LPCAT1: variants seen among roughly 807,000 people sequenced by gnomAD.
LPCAT1 encodes lysophosphatidylcholine acyltransferase 1, also known as 1-acylglycerol-3-phosphate O-acyltransferase.
In LPCAT1, 23 loss-of-function variants were observed where a neutral mutation model predicts 60.9. That is an observed-to-expected ratio of 0.38 (90% CI 0.27 to 0.53). The LOEUF is 0.53. Among genes scored for constraint, LPCAT1 ranks in the 20% least tolerant of loss-of-function variants. The probability of loss-of-function intolerance (pLI) is 0.82; values close to 1 mark genes in which losing one functional copy is unlikely to be tolerated. For missense variants in LPCAT1, 622 were observed against 723.6 expected (o/e 0.86, Z 1.61); for synonymous variants, 340 against 301.1 (o/e 1.13, Z -1.34).
At chr5:1,474,710 C>G in intron 9 of LPCAT1, 25 bp from the exon 10 acceptor site, 1 of 1,605,698 alleles carries the variant, frequency 6.2e-7, no homozygotes, top group African/African-American at 1.3e-5. Flanking sequence ...GCACCCCCGT[C>G]AGCCCAGCCT....
chr5:1,474,693 G>A lies in LPCAT1; in HGVS notation c.900-8C>T, dbSNP rs780926527. On this transcript the variant is annotated splice_region_variant and splice_polypyrimidine_tract_variant and intron_variant, in intron 9 of 13. Coordinates refer to ENST00000283415, the MANE Select transcript of LPCAT1 (RefSeq NM_024830.5). ...ACGGAGACACCCAAGGCCCTACAAG[G>A]AGGGCAGCACCCCCGTCAGCCCAGC... The A allele has an allele frequency of 6.2e-7, 1 of 1,612,062 alleles. No individual in the cohort carries two copies. Among genetic ancestry groups the A allele is most frequent in the Admixed American group, 1.7e-5 (1 of 59,868 alleles).
chr5:1,511,605 T>C (rs13156199), intron 1 of LPCAT1, among the ~76,000 whole-genome samples: 1 of 151,216 alleles, frequency 6.6e-6, no homozygotes, highest in Admixed American at 6.6e-5. Flanking sequence ...CTGCTCACCT[T>C]GCTCACCTTA....
In LPCAT1 at chr5:1,462,512, A is replaced by T. The variant is rs189296875; in HGVS notation, c.*1139T>A. The T allele has an allele frequency of 8.5e-5, 13 of 152,284 alleles. No homozygotes were observed. Among genetic ancestry groups the T allele is most frequent in the East Asian group, 1.9e-4 (1 of 5,178 alleles). 9.4% of individuals were successfully genotyped at this position (152,284 alleles called of 1,614,324 possible). ...GGTGTCCGCACGGCTGTCACCAGAC[A>T]TCCTCATCACCCTCCGCACCGCACA... On this transcript the variant is annotated 3_prime_UTR_variant, in exon 14 of 14. Transcript: ENST00000283415.
chr5:1,494,325 G>A (rs954887832), intron 3 of LPCAT1, among the ~76,000 whole-genome samples: 1 of 152,150 alleles, frequency 6.6e-6, no homozygotes, highest in African/African-American at 2.4e-5. Flanking sequence ...TTACAACAAC[G>A]AAAATTACAC....
chr5:1,497,090 G>C (rs1735822233), intron 2 of LPCAT1, among the ~76,000 whole-genome samples: 2 of 152,342 alleles, frequency 1.3e-5, no homozygotes, highest in South Asian at 4.1e-4. Flanking sequence ...GAGACAGAAA[G>C]GGTGGGCATC....
chr5:1,504,232 T>C (rs112161885), intron 1 of LPCAT1, among the ~76,000 whole-genome samples: 10 of 152,382 alleles, frequency 6.6e-5, no homozygotes, highest in African/African-American at 2.2e-4. Flanking sequence ...TTTTCCTTTA[T>C]TTGTAAAATT....
intron 1 of LPCAT1, among the ~76,000 whole-genome samples, chr5:1,518,615 C>T (rs1013085361): frequency 1.3e-5 from 2 of 152,258 alleles, no homozygotes; most frequent in East Asian, 1.9e-4. Flanking sequence ...GCTGGGATTA[C>T]AGGCGTGAGC....
chr5:1,470,337 G>C (rs751047399), intron 12 of LPCAT1, among the ~76,000 whole-genome samples: 1 of 152,262 alleles, frequency 6.6e-6, no homozygotes, highest in Non-Finnish European at 1.5e-5. Context: ...CCTGTGGTGA[G>C]GCAAGTCCTG....
In LPCAT1 at chr5:1,501,544, C is replaced by G. The variant is rs1319066169; in HGVS notation, c.195G>C (p.Met65Ile). ...CAAGTGCGAGGGGCCAGGCCAGCAG[C>G]ATCATGGCAGCGGCAACCAGGAGCC... ...PVRLLVAAAM[M>I]LLAWPLALVA... is the part of the protein sequence containing the mutation. Residue 65 changes from methionine (M) to isoleucine (I), a missense_variant, in exon 2 of 14, where the codon ATG becomes ATC. Around this residue, in one of 3 missense-constraint regions of LPCAT1, gnomAD observed 125 missense variants for 114.5 expected, o/e 1.09. Coordinates refer to ENST00000283415, the MANE Select transcript of LPCAT1 (RefSeq NM_024830.5). The G allele has an allele frequency of 6.2e-7, 1 of 1,614,048 alleles. No individual in the cohort carries two copies. The highest frequency in any genetic ancestry group is 1.7e-5 in the Admixed American group (1 of 60,030).
chr5:1,475,246 T>C (rs1734854451), intron 9 of LPCAT1, among the ~76,000 whole-genome samples: 2 of 152,198 alleles, frequency 1.3e-5, no homozygotes, highest in Non-Finnish European at 2.9e-5. Context: ...AAGTTCCCCT[T>C]GGCAAACTTA....
intron 4 of LPCAT1, among the ~76,000 whole-genome samples, chr5:1,488,788 A>G (rs992163852): frequency 3.3e-5 from 5 of 152,252 alleles, no homozygotes; most frequent in Admixed American, 6.5e-5. Context: ...GGCACAACAT[A>G]AGCACCTCCT....
chr5:1,520,860 C>CAAAAAAAAAAAAAAAAAAAAAAA (rs59074953), intron 1 of LPCAT1, among the ~76,000 whole-genome samples: 5 of 82,042 alleles, frequency 6.1e-5, no homozygotes, highest in Non-Finnish European at 1.2e-4. Flanking sequence ...GAGACTGTCT[C>CAAAAAAAAAAAAAAAAAAAAAAA]AAAAAAAAAA....
At chr5:1,499,447 T>A (rs1735926251) in intron 2 of LPCAT1, among the ~76,000 whole-genome samples, 1 of 152,248 alleles carries the variant, frequency 6.6e-6, no homozygotes, top group African/African-American at 2.4e-5. Flanking sequence ...GCTTCTCAAC[T>A]CAGCAAAACT....
intron 1 of LPCAT1, among the ~76,000 whole-genome samples, chr5:1,517,983 G>A (rs961425473): frequency 6.6e-6 from 1 of 152,266 alleles, no homozygotes; most frequent in Non-Finnish European, 1.5e-5. Flanking sequence ...AAAGAAAGTG[G>A]ACATCAGAGA....
intron 5 of LPCAT1, among the ~76,000 whole-genome samples, chr5:1,486,440 C>G (rs1285050161): frequency 6.6e-6 from 1 of 152,108 alleles, no homozygotes; most frequent in Non-Finnish European, 1.5e-5. Context: ...GGAAGGTCTC[C>G]GGGGATGAAG....
rs541498069 is a variant in LPCAT1, at chr5:1,523,396, C to T, written c.135+314G>A. 1.8e-4 allele frequency among the ~76,000 whole-genome samples: 28 copies of T among 151,472 alleles called. No homozygotes were observed. The East Asian group carries it at 5.2e-3, about 28-fold the overall frequency. ...GGAGGCAGAGAAAGGGTTGTGGGCC[C>T]GGTTCAGGGTGCAGGGGTCTGGGGG... On this transcript the variant is annotated intron_variant, in intron 1 of 13. Transcript: ENST00000283415. This position sits in a 1 kb window ranked among gnomAD's most constrained non-coding sequence, Gnocchi z 7.1.
In LPCAT1 at chr5:1,463,668, G is replaced by T. The variant is rs1184972718; in HGVS notation, c.1588C>A (p.Arg530Ser). ...CCTGGGTCCTAATCCAGCTTCTTGC[G>T]AACAGGCTTCCGCCCAGCGTCTGAG... ...ENSDAGRKPV[R>S]KKLD The change falls in exon 14 of 14, where the codon CGC becomes AGC. Residue 530 changes from arginine (R) to serine (S), a missense_variant. Physicochemically the swap from Arg to Ser is moderately radical, Grantham distance 110 (BLOSUM62 -1). Transcript: ENST00000283415. 1.2e-6 allele frequency: 2 copies of T among 1,614,064 alleles called. No homozygotes were observed. The highest frequency in any genetic ancestry group is 2.7e-5 in the African/African-American group (2 of 74,946).
In LPCAT1 at chr5:1,496,001, G is replaced by T. The variant is rs1735775094; in HGVS notation, c.279-1087C>A. 6.6e-6 allele frequency among the ~76,000 whole-genome samples: 1 copy of T among 152,220 alleles called. No homozygotes were observed. Among genetic ancestry groups the T allele is most frequent in the Non-Finnish European group, 1.5e-5 (1 of 68,042 alleles). ...TGGGGACCAACCCAGGGTGCTGCTT[G>T]TCTAGAGGAGGGGGGATTACACAGG... On this transcript the variant is annotated intron_variant, in intron 2 of 13. Transcript: ENST00000283415. The surrounding 1 kb of genome is among the most constrained non-coding windows in gnomAD (Gnocchi z 4.7).
chr5:1,483,714 G>A lies in LPCAT1; in HGVS notation c.668-228C>T, dbSNP rs1157379807. 6.6e-6 allele frequency among the ~76,000 whole-genome samples: 1 copy of A among 152,276 alleles called. No homozygotes were observed. Among genetic ancestry groups the A allele is most frequent in the African/African-American group, 2.4e-5 (1 of 41,474 alleles). ...CGGCCAGGGGCGCTCCCCGGCCAAG[G>A]AACACTTTCTGTTTTAACATCGCGC... On this transcript the variant is annotated intron_variant, in intron 5 of 13. Transcript: ENST00000283415. This position sits in a 1 kb window ranked among gnomAD's most constrained non-coding sequence, Gnocchi z 9.2.
Sources: allele counts gnomAD v4.1 joint callset (sites outside exome capture counted in the v4.1 genomes callset), GRCh38; gene constraint gnomAD v4.1.1; regional missense constraint gnomAD v4.1.1; non-coding constraint Gnocchi (gnomAD v3.1); transcripts MANE v1.5; gene names NCBI Gene and HGNC (gene_info 2026-07-23, HGNC 2026-07-21).